GBF1: variants seen among roughly 807,000 people sequenced by gnomAD.
GBF1 encodes Golgi-specific brefeldin A-resistance guanine nucleotide exchange factor 1.
GBF1 carries 114 observed loss-of-function variants against 210.5 expected under a neutral mutation model. The ratio of observed to expected loss-of-function variants is 0.54; its 90% CI spans 0.47 to 0.63. The LOEUF (loss-of-function observed/expected upper bound fraction) is 0.63. Among genes scored for constraint, GBF1 ranks in the 30% least tolerant of loss-of-function variants. The probability of loss-of-function intolerance (pLI) is 0.00; values close to 1 mark genes in which losing one functional copy is unlikely to be tolerated. For synonymous variants in GBF1, 850 were observed against 889.2 expected, an observed-to-expected ratio of 0.96 and a Z score of 0.78; for missense variants, 1,851 against 2,357.7, an observed-to-expected ratio of 0.79 and a Z score of 4.45.
chr10:102,234,479 C>T, the GBF1 span, among the ~76,000 whole-genome samples: 1 of 152,116 alleles, frequency 6.6e-6, no homozygotes, highest in Admixed American at 6.5e-5. Flanking sequence ...CAGGTCGGGT[C>T]AGGTCAGGGG....
chr10:102,308,666 A>G (rs2078136273), intron 3 of GBF1, among the ~76,000 whole-genome samples: 1 of 146,272 alleles, frequency 6.8e-6, no homozygotes, highest in Non-Finnish European at 1.5e-5. Flanking sequence ...ATAGGTGGGA[A>G]TTGAACAATG....
chr10:102,376,833 T>G, intron 32 of GBF1, 33 bp downstream of exon 32: 2 of 1,608,920 alleles, frequency 1.2e-6, no homozygotes, highest in Non-Finnish European at 1.7e-6. Context: ...AGCTGGGGAG[T>G]AGCCATGCAA....
chr10:102,275,120 G>A lies in GBF1; in HGVS notation c.163+15004G>A, dbSNP rs1330085946. ...TCCACCGGCCTCAGCCTCCCAAAGT[G>A]CTGGGATTACAGGCATGAGCCACTG... is the stretch of plus-strand genomic sequence containing the variant. On this transcript the variant is annotated intron_variant, in intron 3 of 39. Transcript: ENST00000369983. Among the ~76,000 whole-genome samples the A allele has an allele frequency of 4.6e-5, 7 of 151,758 alleles. No individual in the cohort carries two copies. In the East Asian group the frequency reaches 7.7e-4, roughly 17 times the overall value.
At chr10:102,357,965 A>T in intron 8 of GBF1, 74 bp from the exon 9 acceptor site, 1 of 995,098 alleles carries the variant, frequency 1.0e-6, no homozygotes. Context: ...GATCAGTAGG[A>T]CTAAATGAAG....
At chr10:102,310,687 G>A (rs909539929) in intron 3 of GBF1, among the ~76,000 whole-genome samples, 1 of 152,174 alleles carries the variant, frequency 6.6e-6, no homozygotes, top group African/African-American at 2.4e-5. Context: ...ATTTGAGCAG[G>A]GATTGAGGAA....
intron 3 of GBF1, among the ~76,000 whole-genome samples, chr10:102,267,931 C>T (rs534480448): frequency 6.6e-6 from 1 of 152,314 alleles, no homozygotes; most frequent in East Asian, 1.9e-4. Flanking sequence ...ACCTTAGAAT[C>T]TCTGTAACTT....
intron 3 of GBF1, among the ~76,000 whole-genome samples, chr10:102,312,422 T>A (rs1043954453): frequency 6.6e-5 from 10 of 152,222 alleles, no homozygotes; most frequent in African/African-American, 2.2e-4. Flanking sequence ...GCTCTATGTG[T>A]AGGTTGGTTG....
Position 102,360,205 on chromosome 10 carries a change from G to A in GBF1, c.1202G>A (p.Gly401Asp). The stretch of plus-strand genomic sequence containing the variant: ...CCAGGCACAGCTTTGGTCCCCTATG[G>A]TCTTCCCTGCATCCGCGAGCTCTTC... ...QKEGTALVPY[G>D]LPCIRELFRF... Residue 401 changes from glycine (G) to aspartate (D), a missense_variant, in exon 12 of 40, where the codon GGT (glycine) becomes GAT (aspartate). Physicochemically the swap from Gly to Asp is moderately conservative, Grantham distance 94. Coordinates refer to ENST00000369983, the MANE Select transcript of GBF1 (RefSeq NM_001377137.1). 6.2e-7 allele frequency: 1 copy of A among 1,613,440 alleles called. No individual in the cohort carries two copies. Among genetic ancestry groups the A allele is most frequent in the Non-Finnish European group, 8.5e-7 (1 of 1,179,422 alleles).
Position 102,329,269 on chromosome 10 carries a change from C to T in GBF1, c.164-14782C>T, listed in dbSNP as rs17114488. ...TATGATTGAGGCCAGTCCCTGTGGG[C>T]CTCATTTATCCCTGCCAGCCTTGTT... On this transcript the variant is annotated intron_variant, in intron 3 of 39. Transcript: ENST00000369983. Among the ~76,000 whole-genome samples, 402 of 152,254 alleles carry T rather than the reference C, an allele frequency of 2.6e-3. 5 individuals are homozygous for T. Among genetic ancestry groups the T allele is most frequent in the East Asian group, 0.019 (96 of 5,180 alleles).
At chr10:102,249,777 C>T (rs776414908) in intron 1 of GBF1, among the ~76,000 whole-genome samples, 2 of 151,152 alleles carry the variant, frequency 1.3e-5, no homozygotes, top group African/African-American at 2.4e-5. Flanking sequence ...CTGCAACCTC[C>T]GCCTCCTGGG....
chr10:102,326,673 C>T (rs2056926700), intron 3 of GBF1, among the ~76,000 whole-genome samples: 2 of 152,302 alleles, frequency 1.3e-5, no homozygotes, highest in South Asian at 4.1e-4. Context: ...CCCCATGCCT[C>T]TTTGAGTCCC....
chr10:102,313,009 G>A (rs2134010004), intron 3 of GBF1, among the ~76,000 whole-genome samples: 1 of 152,256 alleles, frequency 6.6e-6, no homozygotes, highest in South Asian at 2.1e-4. Context: ...CCTGTGTGCA[G>A]GGCTGTGGTG....
intron 3 of GBF1, among the ~76,000 whole-genome samples, chr10:102,293,191 C>T (rs770676562): frequency 1.3e-5 from 2 of 152,128 alleles, no homozygotes; most frequent in Non-Finnish European, 2.9e-5. Context: ...GGACCCCATA[C>T]ATGATAGTGG....
Position 102,381,165 on chromosome 10 carries a change from GCCTCAGCCCACCTGACTT to G in GBF1, c.5215_5232del (p.Ser1739_Ser1744del). 6.2e-7 allele frequency: 1 copy of G among 1,613,916 alleles called. No individual in the cohort carries two copies. Among genetic ancestry groups the G allele is most frequent in the Non-Finnish European group, 8.5e-7 (1 of 1,179,922 alleles). ...GGAGCCTCAAGGCCAAAAGCCTCTC[GCCTCAGCCCACCTGACTT>G]CCGCTGCTGGCGACACTAGGACACC... On this transcript the variant is annotated inframe_deletion, in exon 39 of 40. Transcript: ENST00000369983.
At chr10:102,251,940 C>T (rs535036974) in intron 1 of GBF1, among the ~76,000 whole-genome samples, 26 of 152,150 alleles carry the variant, frequency 1.7e-4, no homozygotes, top group African/African-American at 6.3e-4. Flanking sequence ...TTTGAGAGGC[C>T]GAGGCAGGCA....
intron 3 of GBF1, among the ~76,000 whole-genome samples, chr10:102,286,952 G>A (rs986343615): frequency 2.0e-5 from 3 of 152,114 alleles, no homozygotes; most frequent in Admixed American, 6.6e-5. Context: ...TACTGGGAGG[G>A]GACTGTGTTG....
chr10:102,377,991 G>A (rs546971615), intron 33 of GBF1, among the ~76,000 whole-genome samples: 8 of 151,970 alleles, frequency 5.3e-5, no homozygotes, highest in East Asian at 1.9e-4. Flanking sequence ...AGGCCGAGGC[G>A]GGTGGATCAT....
the GBF1 span, among the ~76,000 whole-genome samples, chr10:102,238,695 C>T: frequency 1.3e-5 from 2 of 152,210 alleles, no homozygotes; most frequent in Admixed American, 6.5e-5. Context: ...TCATTTAACT[C>T]GCACAACTGC....
rs201251402 is a variant in GBF1 at position 102,360,219 on chromosome 10, C to T, written c.1216C>T (p.Arg406Cys). Residue 406 changes from arginine (R) to cysteine (C), a missense_variant, in exon 12 of 40, where the codon CGC (arginine) becomes TGC (cysteine). Arg to Cys is a radical substitution (Grantham distance 180, BLOSUM62 -3). Transcript: ENST00000369983. ...GGTCCCCTATGGTCTTCCCTGCATC[C>T]GCGAGCTCTTCCGCTTCCTCATCTC... is the stretch of plus-strand genomic sequence containing the variant. ...ALVPYGLPCI[R>C]ELFRFLISLT... is the part of the protein sequence containing the mutation. The T allele has an allele frequency of 1.3e-5, 21 of 1,613,900 alleles. No individual in the cohort carries two copies. Among genetic ancestry groups the T allele is most frequent in the African/African-American group, 4.0e-5 (3 of 75,044 alleles).
Sources: allele counts gnomAD v4.1 joint callset (sites outside exome capture counted in the v4.1 genomes callset), GRCh38; gene constraint gnomAD v4.1.1; transcripts MANE v1.5; gene names NCBI Gene and HGNC (gene_info 2026-07-23, HGNC 2026-07-21).